The following EBPL variants were observed in gnomAD, a reference collection of about 807,000 sequenced individuals.
EBPL encodes the protein EBP like, also known as emopamil-binding protein-like.
A neutral mutation model predicts 19.0 loss-of-function variants in EBPL; 20 were observed. That is an observed-to-expected ratio of 1.05 (90% CI 0.74 to 1.53). The LOEUF is 1.53. EBPL is among the 40% of genes most tolerant of loss of function. The probability of loss-of-function intolerance (pLI) is 0.00; values close to 1 mark genes in which losing one functional copy is unlikely to be tolerated. For missense variants in EBPL, 219 were observed against 261.1 expected (o/e 0.84, Z 1.11); for synonymous variants, 107 against 117.0 (o/e 0.91, Z 0.55).
At chr13:49,681,482 G>T (rs1397633677) in intron 1 of EBPL, among the ~76,000 whole-genome samples, 2 of 152,134 alleles carry the variant, frequency 1.3e-5, no homozygotes, top group Non-Finnish European at 2.9e-5. Flanking sequence ...GTAGAGACAG[G>T]TTTTCACCAT....
chr13:49,677,539 G>T (rs1570407), intron 1 of EBPL, among the ~76,000 whole-genome samples: 96,084 of 152,012 alleles, frequency 0.63, 32,102 homozygotes, highest in East Asian at 0.77. Flanking sequence ...CAATAAAGAC[G>T]CCATGCAAAA....
At chr13:49,671,626 T>C (rs1953817469) in intron 1 of EBPL, among the ~76,000 whole-genome samples, 1 of 152,216 alleles carries the variant, frequency 6.6e-6, no homozygotes, top group Non-Finnish European at 1.5e-5. Context: ...GAGAACTTTC[T>C]ACACAAAGCA....
chr13:49,688,966 T>C (rs1954031111), intron 1 of EBPL, among the ~76,000 whole-genome samples: 1 of 152,116 alleles, frequency 6.6e-6, no homozygotes, highest in Admixed American at 6.5e-5. Context: ...TACAAAGACG[T>C]TGGTAGATGC....
intron 1 of EBPL, among the ~76,000 whole-genome samples, chr13:49,686,193 T>A (rs995891220): frequency 9.9e-5 from 15 of 152,154 alleles, no homozygotes; most frequent in African/African-American, 2.9e-4. Context: ...CAAGCACACA[T>A]CAGACAGCGA....
At chr13:49,664,337 C>T (rs1156640207) in intron 2 of EBPL, among the ~76,000 whole-genome samples, 1 of 152,168 alleles carries the variant, frequency 6.6e-6, no homozygotes, top group Non-Finnish European at 1.5e-5. Context: ...AGAGCCCAGA[C>T]TGCAGAATGA....
intron 1 of EBPL, among the ~76,000 whole-genome samples, chr13:49,674,690 C>T (rs1953857573): frequency 6.7e-6 from 1 of 150,252 alleles, no homozygotes; most frequent in South Asian, 2.1e-4. Context: ...ACAATGACTT[C>T]CAATTCAATA....
chr13:49,683,545 AC>A (rs1555301586), intron 1 of EBPL, among the ~76,000 whole-genome samples: 1 of 117,150 alleles, frequency 8.5e-6, no homozygotes, highest in Non-Finnish European at 1.9e-5. Context: ...AAACAAACAA[AC>A]AAAAAAAACA....
At chr13:49,661,282 C>A in intron 3 of EBPL, 74 bp from the exon 4 acceptor site, 2 of 1,211,146 alleles carry the variant, frequency 1.7e-6, no homozygotes, top group Admixed American at 2.0e-5. Context: ...GACATCTTGT[C>A]TGTAATGGCG....
chr13:49,669,998 G>T, intron 1 of EBPL, 152 bp from the exon 2 acceptor site: 1 of 641,808 alleles, frequency 1.6e-6, no homozygotes, highest in East Asian at 2.7e-5. Flanking sequence ...AACCTTGTGG[G>T]ATACAATCTT....
intron 2 of EBPL, among the ~76,000 whole-genome samples, chr13:49,669,148 G>C (rs1953783115): frequency 1.3e-5 from 2 of 152,024 alleles, no homozygotes; most frequent in African/African-American, 4.8e-5. Context: ...CAAAGTGCTG[G>C]GATTACAGGC....
At chr13:49,679,826 G>A (rs772671845) in intron 1 of EBPL, among the ~76,000 whole-genome samples, 1 of 151,972 alleles carries the variant, frequency 6.6e-6, no homozygotes, top group Non-Finnish European at 1.5e-5. Flanking sequence ...TGACATTCAT[G>A]GCTACTTTCA....
chr13:49,671,223 C>T (rs9568301), intron 1 of EBPL, among the ~76,000 whole-genome samples: 24,547 of 152,112 alleles, frequency 0.16, 2,836 homozygotes, highest in East Asian at 0.65. Context: ...CTGCAACCTA[C>T]GCCTCCCGGG....
At chr13:49,664,086 T>C (rs9535286) in intron 2 of EBPL, among the ~76,000 whole-genome samples, 38,007 of 152,018 alleles carry the variant, frequency 0.25, 4,930 homozygotes, top group Non-Finnish European at 0.28. Flanking sequence ...ACCGTGTCTC[T>C]ACTAAAAATA....
chr13:49,691,346 C>A lies in EBPL; in HGVS notation c.79G>T (p.Ala27Ser). Reference sequence around the variant, plus strand: ...CCGCGGCCCAGGCGCAGGCCCAGGGCGCAGCCCGCCGCCAGCAGCGCGGCG... The same window carrying A: ...CCGCGGCCCAGGCGCAGGCCCAGGGAGCAGCCCGCCGCCAGCAGCGCGGCG... ...LCAALLAAGC[A>S]LGLRLGRGQG... Residue 27 changes from alanine to serine, a missense_variant, in exon 1 of 4, where the codon GCC (alanine) becomes TCC (serine). By Grantham distance (99) the Ala-to-Ser change is moderately conservative (BLOSUM62 1). Transcript: ENST00000242827. 1 of 1,356,098 alleles carries A rather than the reference C, an allele frequency of 7.4e-7. No individual in the cohort carries two copies. The highest frequency in any genetic ancestry group is 9.5e-7 in the Non-Finnish European group (1 of 1,050,268). 84.0% of individuals were successfully genotyped at this position (1,356,098 alleles called of 1,614,324 possible).
chr13:49,673,204 C>T (rs893978846), intron 1 of EBPL, among the ~76,000 whole-genome samples: 2 of 152,146 alleles, frequency 1.3e-5, no homozygotes, highest in Non-Finnish European at 2.9e-5. Context: ...AGAAGCGATA[C>T]AGCCACTAAA....
chr13:49,669,686 A>G, intron 2 of EBPL, 91 bp downstream of exon 2: 1 of 1,081,230 alleles, frequency 9.2e-7, no homozygotes, highest in Non-Finnish European at 1.4e-6. Flanking sequence ...ATATAAATGA[A>G]GTCATACAGT....
At chr13:49,676,218 C>T (rs1953873983) in intron 1 of EBPL, among the ~76,000 whole-genome samples, 1 of 151,946 alleles carries the variant, frequency 6.6e-6, no homozygotes. Flanking sequence ...GATCTGCCCA[C>T]TCATCATGAG....
At chr13:49,669,695 G>A (rs1309561217) in intron 2 of EBPL, 82 bp downstream of exon 2, 1 of 1,179,630 alleles carries the variant, frequency 8.5e-7, no homozygotes, top group African/African-American at 1.5e-5. Context: ...AAGTCATACA[G>A]TATATAATAG....
rs1012833431 is a variant in EBPL at position 49,691,311 on chromosome 13, C to G, written c.114G>C (p.Ala38=). The change falls in exon 1 of 4, where the codon GCG becomes GCC. Residue 38 remains alanine (A), a synonymous_variant. Transcript: ENST00000242827. ...LGLRLGRGQG[A]ADRGALIWLC... is the part of the protein sequence containing the mutation. ...GCCAGATGAGCGCCCCGCGGTCCGC[C>G]GCCCCCTGCCCGCGGCCCAGGCGCA... 1.0e-5 allele frequency: 14 copies of G among 1,365,648 alleles called. No homozygotes were observed. In the African/African-American group the frequency reaches 2.1e-4, roughly 21 times the overall value. 84.6% of individuals were successfully genotyped at this position (1,365,648 alleles called of 1,614,324 possible). A position where few individuals can be genotyped will look rare whatever the true frequency, so the allele number is the denominator to read the frequency against.
Sources: gnomAD v4.1 joint callset for allele counts (sites outside exome capture counted in the v4.1 genomes callset) on GRCh38, gnomAD v4.1.1 for gene constraint, MANE v1.5 for transcripts, NCBI Gene and HGNC (gene_info 2026-07-23, HGNC 2026-07-21) for gene names.